The following CTNND2 variants were observed in gnomAD, a reference collection of about 807,000 sequenced individuals.
The protein encoded by CTNND2 is catenin delta-2.
CTNND2 carries 22 observed loss-of-function variants against 144.4 expected under a neutral mutation model. That is an observed-to-expected ratio of 0.15 (90% CI 0.11 to 0.22). CTNND2 has a LOEUF of 0.22. Ranked by LOEUF, CTNND2 falls within the 10% of genes least tolerant of loss-of-function variation. The pLI is 1.00. For synonymous variants in CTNND2, 751 were observed against 695.6 expected, an observed-to-expected ratio of 1.08 and a Z score of -1.25; for missense variants, 1,353 against 1,618.8, an observed-to-expected ratio of 0.84 and a Z score of 2.82.
At chr5:11,372,828 C>A (rs1757586927) in intron 7 of CTNND2, among the ~76,000 whole-genome samples, 1 of 152,166 alleles carries the variant, frequency 6.6e-6, no homozygotes, top group Non-Finnish European at 1.5e-5. Context: ...GGTCCACGGA[C>A]CACCCTTTGA....
chr5:11,794,449 C>A (rs1202617674), intron 1 of CTNND2, among the ~76,000 whole-genome samples: 1 of 152,158 alleles, frequency 6.6e-6, no homozygotes, highest in Non-Finnish European at 1.5e-5. Context: ...GAGATCAGAG[C>A]GGCCTTAGAT....
intron 2 of CTNND2, among the ~76,000 whole-genome samples, chr5:11,585,688 G>A (rs979473506): frequency 2.0e-5 from 3 of 152,138 alleles, no homozygotes; most frequent in Non-Finnish European, 2.9e-5. Flanking sequence ...AGAGCTACCT[G>A]TGGTCAAGGC....
At chr5:11,234,327 G>A (rs532257859) in intron 10 of CTNND2, among the ~76,000 whole-genome samples, 51 of 152,216 alleles carry the variant, frequency 3.4e-4, no homozygotes, top group African/African-American at 1.2e-3. Context: ...CAAAAAGAAG[G>A]TGGATGAATG....
At chr5:11,196,185 A>T (rs1357677651) in intron 11 of CTNND2, among the ~76,000 whole-genome samples, 1 of 152,234 alleles carries the variant, frequency 6.6e-6, no homozygotes, top group Admixed American at 6.5e-5. Context: ...GGCACTCTTG[A>T]CATCATAGGT....
At chr5:11,197,021 G>A (rs1736926411) in intron 11 of CTNND2, among the ~76,000 whole-genome samples, 1 of 152,196 alleles carries the variant, frequency 6.6e-6, no homozygotes, top group South Asian at 2.1e-4. Context: ...TCAGGTTTCT[G>A]TCAGTAAGGA....
At chr5:10,996,783 G>A (rs1269451199) in intron 18 of CTNND2, among the ~76,000 whole-genome samples, 1 of 152,010 alleles carries the variant, frequency 6.6e-6, no homozygotes, top group Non-Finnish European at 1.5e-5. Flanking sequence ...ATTTTTAGTA[G>A]AGACGGAGTT....
In CTNND2 at chr5:11,017,571, T is replaced by C. The variant is rs986594450; in HGVS notation, c.3084+403A>G. On this transcript the variant is annotated intron_variant, in intron 18 of 21. Coordinates refer to ENST00000304623, the MANE Select transcript of CTNND2 (RefSeq NM_001332.4). ...ATATAAAGATATATATACATATATA[T>C]ATATATCTTTCCATATATATATATA... is the stretch of plus-strand genomic sequence containing the variant. Among the ~76,000 whole-genome samples, 4 of 118,796 alleles carry C rather than the reference T, an allele frequency of 3.4e-5. No homozygotes were observed. In the Admixed American group the frequency reaches 3.5e-4, roughly 10 times the overall value. The allele number at this position is 118,796 out of a possible 152,430, so 77.9% of individuals were successfully genotyped here. A position where few individuals can be genotyped will look rare whatever the true frequency, so the allele number is the denominator to read the frequency against.
At chr5:11,557,359 TGG>T (rs1198100109) in intron 3 of CTNND2, among the ~76,000 whole-genome samples, 2 of 152,200 alleles carry the variant, frequency 1.3e-5, no homozygotes, top group Non-Finnish European at 2.9e-5. Flanking sequence ...CTGCAGGTTC[TGG>T]GGAATCATCC....
intron 6 of CTNND2, among the ~76,000 whole-genome samples, chr5:11,388,380 T>G (rs547595031): frequency 1.3e-5 from 2 of 152,210 alleles, no homozygotes; most frequent in African/African-American, 4.8e-5. Flanking sequence ...ATGGGCTGAT[T>G]GACAGCTTGA....
chr5:11,453,318 T>G (rs1765450932), intron 3 of CTNND2, among the ~76,000 whole-genome samples: 1 of 152,202 alleles, frequency 6.6e-6, no homozygotes, highest in Admixed American at 6.5e-5. Flanking sequence ...ATCCATGTTA[T>G]CAACAATGAC....
chr5:11,449,327 T>A (rs965587286), intron 3 of CTNND2, among the ~76,000 whole-genome samples: 2 of 152,226 alleles, frequency 1.3e-5, no homozygotes, highest in African/African-American at 4.8e-5. Flanking sequence ...CTGTTTCAAA[T>A]GAATAGTGAA....
chr5:11,860,365 A>G (rs918239850), intron 1 of CTNND2, among the ~76,000 whole-genome samples: 5 of 152,328 alleles, frequency 3.3e-5, no homozygotes, highest in Non-Finnish European at 4.4e-5. Context: ...TGTTTTAATA[A>G]TATTTTGTAG....
intron 2 of CTNND2, among the ~76,000 whole-genome samples, chr5:11,611,026 T>C (rs1055612451): frequency 3.3e-5 from 5 of 152,180 alleles, no homozygotes; most frequent in Admixed American, 2.6e-4. Flanking sequence ...AGTTCCCATA[T>C]TCTCCATGTG....
intron 9 of CTNND2, among the ~76,000 whole-genome samples, chr5:11,268,682 A>T (rs1334878009): frequency 6.6e-6 from 1 of 152,206 alleles, no homozygotes; most frequent in Middle Eastern, 3.2e-3. Flanking sequence ...GGTGTAATGG[A>T]TTAAAAAATG....
chr5:11,612,478 G>A (rs554149835), intron 2 of CTNND2, among the ~76,000 whole-genome samples: 8 of 152,184 alleles, frequency 5.3e-5, no homozygotes, highest in East Asian at 1.9e-4. Context: ...TACCTTCTTC[G>A]TTCTTCATGG....
chr5:11,149,664 C>G (rs1184115647), intron 12 of CTNND2, among the ~76,000 whole-genome samples: 2 of 152,150 alleles, frequency 1.3e-5, no homozygotes, highest in Non-Finnish European at 2.9e-5. Context: ...CAGGACTAAT[C>G]TGAAGTCCTG....
intron 2 of CTNND2, among the ~76,000 whole-genome samples, chr5:11,650,080 G>C (rs1782567885): frequency 1.3e-5 from 2 of 152,120 alleles, no homozygotes. Context: ...CAAATCTCTT[G>C]TTGAATTGTA....
chr5:11,083,491 G>A (rs1308586611), intron 15 of CTNND2, among the ~76,000 whole-genome samples: 1 of 152,172 alleles, frequency 6.6e-6, no homozygotes, highest in Non-Finnish European at 1.5e-5. Flanking sequence ...TTATAAAGTA[G>A]GACATGAAAT....
At chr5:11,205,785 C>A (rs906053457) in intron 10 of CTNND2, among the ~76,000 whole-genome samples, 1 of 152,116 alleles carries the variant, frequency 6.6e-6, no homozygotes, top group African/African-American at 2.4e-5. Context: ...TATGAAATGG[C>A]CTGCGTTCTC....
Sources: allele counts gnomAD v4.1 joint callset (sites outside exome capture counted in the v4.1 genomes callset), GRCh38; gene constraint gnomAD v4.1.1; transcripts MANE v1.5; gene names NCBI Gene and HGNC (gene_info 2026-07-23, HGNC 2026-07-21).